Variants in PPM1E observed in about 807,000 individuals in gnomAD.
PPM1E encodes protein phosphatase 1E.
Under a neutral mutation model 65.9 loss-of-function variants are expected in PPM1E, and 20 were observed. The observed-to-expected ratio is 0.30, with a 90% CI of 0.21 to 0.44. The LOEUF (loss-of-function observed/expected upper bound fraction) is 0.44. Among genes scored for constraint, PPM1E ranks in the 20% least tolerant of loss-of-function variants. PPM1E has a pLI of 1.00. For synonymous variants in PPM1E, 352 were observed against 374.9 expected, an observed-to-expected ratio of 0.94 and a Z score of 0.70; for missense variants, 713 against 953.1, an observed-to-expected ratio of 0.75 and a Z score of 3.32.
chr17:58,897,422 A>G (rs553876577), intron 1 of PPM1E, among the ~76,000 whole-genome samples: 1 of 151,974 alleles, frequency 6.6e-6, no homozygotes, highest in Admixed American at 6.6e-5. Context: ...TAAAAAAAAA[A>G]AAAGAAAAAA....
At chr17:58,781,771 AG>A (rs1270526114) in intron 1 of PPM1E, among the ~76,000 whole-genome samples, 1 of 151,928 alleles carries the variant, frequency 6.6e-6, no homozygotes, top group Non-Finnish European at 1.5e-5. Context: ...CTGTAATCCC[AG>A]GTACTCGGGA....
At chr17:58,810,962 A>C (rs1003967085) in intron 1 of PPM1E, among the ~76,000 whole-genome samples, 12 of 152,016 alleles carry the variant, frequency 7.9e-5, no homozygotes, top group Admixed American at 7.2e-4. Context: ...GGTTCAAGCG[A>C]TTCTCCTGCT....
In PPM1E at chr17:58,756,368, TGCCCCC is replaced by T; in HGVS notation, c.374_379del (p.Pro125_Pro126del). ...CCGCCGCCGCCCCAGCTGCCGCCTT[TGCCCCC>T]GCTCCCGCGACCGCTGTCAGAGCGC... On this transcript the variant is annotated inframe_deletion, in exon 1 of 7. Coordinates refer to ENST00000308249, the MANE Select transcript of PPM1E (RefSeq NM_014906.5). 7.3e-7 allele frequency: 1 copy of T among 1,376,214 alleles called. No individual in the cohort carries two copies. Among genetic ancestry groups the T allele is most frequent in the Non-Finnish European group, 9.4e-7 (1 of 1,067,070 alleles). 85.3% of individuals were successfully genotyped at this position (1,376,214 alleles called of 1,614,324 possible).
At chr17:58,938,531 TTTAAA>T (rs1178057324) in intron 1 of PPM1E, among the ~76,000 whole-genome samples, 3 of 152,184 alleles carry the variant, frequency 2.0e-5, no homozygotes, top group African/African-American at 7.2e-5. Flanking sequence ...GAAATCAGTG[TTTAAA>T]TTATAAGTTA....
At chr17:58,844,090 A>AT (rs993346765) in intron 1 of PPM1E, among the ~76,000 whole-genome samples, 1 of 152,166 alleles carries the variant, frequency 6.6e-6, no homozygotes, top group African/African-American at 2.4e-5. Flanking sequence ...TTATAGTACT[A>AT]TTTTTTGAGA....
At chr17:58,943,415 A>T (rs764246129) in intron 1 of PPM1E, among the ~76,000 whole-genome samples, 1 of 152,206 alleles carries the variant, frequency 6.6e-6, no homozygotes, top group Non-Finnish European at 1.5e-5. Context: ...CTACCTACGC[A>T]TGTGCCAACA....
At chr17:58,919,766 G>T (rs1036588330) in intron 1 of PPM1E, among the ~76,000 whole-genome samples, 1 of 151,852 alleles carries the variant, frequency 6.6e-6, no homozygotes, top group Non-Finnish European at 1.5e-5. Context: ...CAGCCTGAAC[G>T]ACAAGAATGA....
chr17:58,919,768 C>A (rs2051729312), intron 1 of PPM1E, among the ~76,000 whole-genome samples: 1 of 151,624 alleles, frequency 6.6e-6, no homozygotes, highest in Admixed American at 6.6e-5. Context: ...GCCTGAACGA[C>A]AAGAATGAAA....
intron 1 of PPM1E, among the ~76,000 whole-genome samples, chr17:58,892,624 G>A (rs1022369300): frequency 1.1e-4 from 17 of 152,024 alleles, no homozygotes; most frequent in African/African-American, 2.9e-4. Context: ...AAATTTCTGC[G>A]CTGCAGAGGA....
chr17:58,924,993 T>A (rs2051806559), intron 1 of PPM1E, among the ~76,000 whole-genome samples: 1 of 152,142 alleles, frequency 6.6e-6, no homozygotes, highest in Non-Finnish European at 1.5e-5. Flanking sequence ...GGCATTTGGG[T>A]TGGTTCCATG....
chr17:58,771,396 CG>C, intron 1 of PPM1E, among the ~76,000 whole-genome samples: 1 of 151,038 alleles, frequency 6.6e-6, no homozygotes, highest in Middle Eastern at 3.5e-3. Flanking sequence ...GAGGCCGAGG[CG>C]GGTGGATCAC....
intron 2 of PPM1E, among the ~76,000 whole-genome samples, chr17:58,959,598 CAA>C (rs199543161): frequency 3.1e-4 from 27 of 86,108 alleles, no homozygotes; most frequent in East Asian, 7.2e-4. Context: ...GACTCTGTCT[CAA>C]AAAAAAAAAA....
At chr17:58,817,696 A>T (rs2050439407) in intron 1 of PPM1E, among the ~76,000 whole-genome samples, 1 of 152,154 alleles carries the variant, frequency 6.6e-6, no homozygotes, top group Non-Finnish European at 1.5e-5. Flanking sequence ...TGATAACAAA[A>T]CACTAGATTT....
intron 1 of PPM1E, among the ~76,000 whole-genome samples, chr17:58,900,590 G>A (rs922473454): frequency 1.2e-4 from 18 of 152,054 alleles, no homozygotes; most frequent in Admixed American, 7.9e-4. Context: ...AAAAAATTTT[G>A]TACAGCTCAC....
At chr17:58,757,327 G>C (rs2049778604) in intron 1 of PPM1E, among the ~76,000 whole-genome samples, 2 of 152,220 alleles carry the variant, frequency 1.3e-5, no homozygotes, top group Non-Finnish European at 1.5e-5. Flanking sequence ...CTACACAGAT[G>C]AAAGTCTAAA....
intron 1 of PPM1E, among the ~76,000 whole-genome samples, chr17:58,874,555 G>A (rs570873659): frequency 1.3e-5 from 2 of 152,250 alleles, no homozygotes; most frequent in Admixed American, 6.5e-5. Flanking sequence ...TGTTTATACT[G>A]TAAGATATCT....
chr17:58,876,231 A>G (rs1168746907), intron 1 of PPM1E, among the ~76,000 whole-genome samples: 4 of 152,198 alleles, frequency 2.6e-5, no homozygotes, highest in Admixed American at 2.0e-4. Context: ...ATATTTGTAC[A>G]TAAATAAAAC....
intron 1 of PPM1E, among the ~76,000 whole-genome samples, chr17:58,872,391 A>G (rs2051080848): frequency 6.6e-6 from 1 of 152,180 alleles, no homozygotes; most frequent in South Asian, 2.1e-4. Flanking sequence ...GCCTTACTAG[A>G]TATTTCCATT....
At chr17:58,850,436 A>G (rs978789039) in intron 1 of PPM1E, among the ~76,000 whole-genome samples, 1 of 152,136 alleles carries the variant, frequency 6.6e-6, no homozygotes, top group African/African-American at 2.4e-5. Flanking sequence ...TTCCAAGTTT[A>G]GTGCTTCCTT....
Sources: gnomAD v4.1 joint callset for allele counts (sites outside exome capture counted in the v4.1 genomes callset) on GRCh38, gnomAD v4.1.1 for gene constraint, MANE v1.5 for transcripts, NCBI Gene and HGNC (gene_info 2026-07-23, HGNC 2026-07-21) for gene names.